The following DNM3 variants were observed in gnomAD, a reference collection of about 807,000 sequenced individuals.
DNM3 encodes dynamin-3.
A neutral mutation model predicts 101.6 loss-of-function variants in DNM3; 47 were observed. That is an observed-to-expected ratio of 0.46 (90% confidence interval 0.37 to 0.59). The LOEUF is 0.59. DNM3 is among the 20% of genes least tolerant of loss of function. The pLI is 0.00. For synonymous variants in DNM3, 385 were observed against 387.9 expected, an observed-to-expected ratio of 0.99 and a Z score of 0.09; for missense variants, 849 against 1,085.7, an observed-to-expected ratio of 0.78 and a Z score of 3.06.
chr1:172,114,826 T>C lies in DNM3; in HGVS notation c.1546-16349T>C, dbSNP rs1407331397. Among the ~76,000 whole-genome samples the C allele has an allele frequency of 2.0e-5, 3 of 152,170 alleles. No individual in the cohort carries two copies. The East Asian group carries it at 5.8e-4, about 29-fold the overall frequency. ...GCTACCTCCTTAGGAGTGTTGCTTA[T>C]TTTACAGTATGCATAAGTTTTATGC... On this transcript the variant is annotated intron_variant, in intron 13 of 20. Transcript: ENST00000627582.
chr1:172,018,579 A>G (rs2047608423), intron 4 of DNM3, among the ~76,000 whole-genome samples: 1 of 152,186 alleles, frequency 6.6e-6, no homozygotes, highest in African/African-American at 2.4e-5. Flanking sequence ...CCCATTGTAA[A>G]TACAGGAGCA....
At chr1:172,316,662 A>G (rs1350178714) in intron 16 of DNM3, among the ~76,000 whole-genome samples, 1 of 152,124 alleles carries the variant, frequency 6.6e-6, no homozygotes, top group Non-Finnish European at 1.5e-5. Context: ...ATAATGGTAA[A>G]TGGATCAATT....
intron 2 of DNM3, among the ~76,000 whole-genome samples, chr1:171,946,850 C>T (rs369415277): frequency 1.3e-5 from 2 of 152,226 alleles, no homozygotes; most frequent in African/African-American, 2.4e-5. Context: ...AAGGATGAGG[C>T]TCTTTTTAAC....
At chr1:172,314,407 C>T (rs567399861) in intron 16 of DNM3, among the ~76,000 whole-genome samples, 12 of 152,226 alleles carry the variant, frequency 7.9e-5, no homozygotes, top group African/African-American at 1.7e-4. Flanking sequence ...GTGCAGCACG[C>T]GGTGCACGAG....
chr1:172,310,913 G>A (rs1241298702), intron 16 of DNM3: 1 of 152,202 alleles, frequency 6.6e-6, no homozygotes. Context: ...TAAAGCATGT[G>A]AGTTCAAGCA....
intron 17 of DNM3, among the ~76,000 whole-genome samples, chr1:172,335,154 A>T (rs987399486): frequency 6.6e-6 from 1 of 152,172 alleles, no homozygotes; most frequent in African/African-American, 2.4e-5. Flanking sequence ...GTATGCAATG[A>T]ATTGTCTGCC....
intron 14 of DNM3, among the ~76,000 whole-genome samples, chr1:172,164,036 T>A (rs2058656984): frequency 6.6e-6 from 1 of 151,870 alleles, no homozygotes; most frequent in Admixed American, 6.6e-5. Context: ...TTCCACATCT[T>A]GGCTATTGTG....
Position 172,325,283 on chromosome 1 carries a change from G to C in DNM3, c.1893+1943G>C, listed in dbSNP as rs1557998511. Among the ~76,000 whole-genome samples, 2 of 152,124 alleles carry C rather than the reference G, an allele frequency of 1.3e-5. 1 individual carries two copies. The highest frequency in any genetic ancestry group is 4.1e-4 in the South Asian group (2 of 4,830). On this transcript the variant is annotated intron_variant, in intron 17 of 20. Coordinates refer to ENST00000627582, the MANE Select transcript of DNM3 (RefSeq NM_015569.5). ...CCTCGGTCACCAACTGTATCTGAAC[G>C]CTTGCGCATGTGCTATGAGGACAGC...
At chr1:171,877,043 A>G (rs1156392430) in intron 1 of DNM3, among the ~76,000 whole-genome samples, 1 of 152,094 alleles carries the variant, frequency 6.6e-6, no homozygotes, top group African/African-American at 2.4e-5. Flanking sequence ...TATTTTTTCT[A>G]TTTACTGACT....
chr1:172,227,623 C>G (rs1046391790), intron 14 of DNM3, among the ~76,000 whole-genome samples: 19 of 152,080 alleles, frequency 1.2e-4, no homozygotes, highest in Non-Finnish European at 2.5e-4. Flanking sequence ...AATGGCCATT[C>G]TGGCTGGGGT....
At chr1:172,108,384 G>A (rs1053902509) in intron 13 of DNM3, among the ~76,000 whole-genome samples, 2 of 151,928 alleles carry the variant, frequency 1.3e-5, no homozygotes, top group African/African-American at 4.8e-5. Context: ...TAATTTGCAT[G>A]GTACAGCAAG....
chr1:172,299,304 C>A (rs2064323666), intron 15 of DNM3, among the ~76,000 whole-genome samples: 1 of 152,180 alleles, frequency 6.6e-6, no homozygotes, highest in Non-Finnish European at 1.5e-5. Context: ...GGGAGTGTGG[C>A]CTTTTTCCTA....
chr1:172,281,600 T>C (rs2063492795), intron 15 of DNM3, among the ~76,000 whole-genome samples: 1 of 152,210 alleles, frequency 6.6e-6, no homozygotes, highest in Non-Finnish European at 1.5e-5. Flanking sequence ...AGTTACTTAA[T>C]AGCTGTCGTA....
In DNM3 at chr1:172,317,414, C is replaced by CA. The variant is rs549929097; in HGVS notation, c.1882-5907dup. ...AGAGCAGAACTGAAGGAAATAGAGA[C>CA]AAAAAAAATCCTTCAAAAAATTAAT... On this transcript the variant is annotated intron_variant, in intron 16 of 20. Coordinates refer to ENST00000627582, the MANE Select transcript of DNM3 (RefSeq NM_015569.5). Among the ~76,000 whole-genome samples the CA allele has an allele frequency of 2.9e-3, 439 of 151,266 alleles. 1 individual carries two copies. Among genetic ancestry groups the CA allele is most frequent in the African/African-American group, 9.6e-3 (394 of 41,242 alleles).
chr1:172,173,248 G>A (rs1478428803), intron 14 of DNM3, among the ~76,000 whole-genome samples: 1 of 151,728 alleles, frequency 6.6e-6, no homozygotes, highest in African/African-American at 2.4e-5. Context: ...TAGAATTGAT[G>A]AGCAGTTGCT....
At chr1:172,260,593 G>C (rs2062603627) in intron 15 of DNM3, among the ~76,000 whole-genome samples, 1 of 151,720 alleles carries the variant, frequency 6.6e-6, no homozygotes, top group Non-Finnish European at 1.5e-5. Flanking sequence ...TCTCCTGCTT[G>C]TTCTGTCTTA....
intron 13 of DNM3, among the ~76,000 whole-genome samples, chr1:172,123,180 A>T (rs1443253362): frequency 1.3e-5 from 2 of 152,204 alleles, no homozygotes; most frequent in African/African-American, 4.8e-5. Flanking sequence ...TTGATTTTGT[A>T]GAGTCTTGTA....
intron 15 of DNM3, among the ~76,000 whole-genome samples, chr1:172,284,193 A>AT (rs994075166): frequency 1.3e-5 from 2 of 152,220 alleles, no homozygotes; most frequent in Admixed American, 1.3e-4. Context: ...TGTAGAGTAC[A>AT]TTTTTAAACA....
intron 14 of DNM3, among the ~76,000 whole-genome samples, chr1:172,246,448 G>T (rs942754657): frequency 6.6e-6 from 1 of 152,016 alleles, no homozygotes; most frequent in Non-Finnish European, 1.5e-5. Flanking sequence ...AGACAAGAAG[G>T]CTGGAAAATG....
Sources: allele counts gnomAD v4.1 joint callset (sites outside exome capture counted in the v4.1 genomes callset), GRCh38; gene constraint gnomAD v4.1.1; transcripts MANE v1.5; gene names NCBI Gene and HGNC (gene_info 2026-07-23, HGNC 2026-07-21).